Variants in SAMD5 observed in about 807,000 individuals in gnomAD.
The protein encoded by SAMD5 is sterile alpha motif domain-containing protein 5.
Under a neutral mutation model 11.3 loss-of-function variants are expected in SAMD5, and 13 were observed. The ratio of observed to expected loss-of-function variants is 1.15; its 90% confidence interval spans 0.75 to 1.83. The LOEUF is 1.83. Ranked by LOEUF, SAMD5 falls within the 40% of genes most tolerant of loss-of-function variation. SAMD5 has a pLI of 0.00. For synonymous variants in SAMD5, 129 were observed against 111.3 expected (o/e 1.16, Z -1.00); for missense variants, 255 against 239.1 (o/e 1.07, Z -0.44).
the SAMD5 span, among the ~76,000 whole-genome samples, chr6:147,774,075 C>T: frequency 9.9e-5 from 15 of 152,124 alleles, no homozygotes; most frequent in Admixed American, 3.9e-4. Flanking sequence ...CTCCTGGGCT[C>T]AAGGGGTCCT....
At chr6:147,784,279 A>G in the SAMD5 span, among the ~76,000 whole-genome samples, 1 of 152,152 alleles carries the variant, frequency 6.6e-6, no homozygotes, top group African/African-American at 2.4e-5. Flanking sequence ...TTTGTACATA[A>G]TAATCAACTG....
At chr6:147,686,318 T>C (rs1337734115) in intron 1 of SAMD5, among the ~76,000 whole-genome samples, 2 of 152,174 alleles carry the variant, frequency 1.3e-5, no homozygotes, top group African/African-American at 4.8e-5. Context: ...TAGCTAGTGG[T>C]TTTTACGCTG....
At chr6:147,767,615 C>A in the SAMD5 span, among the ~76,000 whole-genome samples, 1 of 152,186 alleles carries the variant, frequency 6.6e-6, no homozygotes, top group Non-Finnish European at 1.5e-5. Context: ...TGAGAGCTCT[C>A]TCTCTCCATC....
At chr6:147,893,019 C>G in the SAMD5 span, among the ~76,000 whole-genome samples, 1 of 152,030 alleles carries the variant, frequency 6.6e-6, no homozygotes, top group African/African-American at 2.4e-5. Flanking sequence ...TCAAGACCAG[C>G]CTGACCAACG....
chr6:147,941,338 A>G, the SAMD5 span, among the ~76,000 whole-genome samples: 1 of 152,190 alleles, frequency 6.6e-6, no homozygotes, highest in East Asian at 1.9e-4. Context: ...TAAGTGCACA[A>G]ATTCCTACAG....
rs575852108 is a variant in SAMD5 at position 147,509,400 on chromosome 6, C to A, written c.459+13C>A. 1.2e-5 allele frequency: 18 copies of A among 1,510,900 alleles called. No individual in the cohort carries two copies. The East Asian group carries it at 1.7e-4, about 14-fold the overall frequency. The allele number at this position is 1,510,900 out of a possible 1,614,324, so 93.6% of individuals were successfully genotyped here. On this transcript the variant is annotated intron_variant, in intron 1 of 1. Transcript: ENST00000367474. ...GTACTCCCGCAAGGTAAGGAGGTGC[C>A]GTCCGGGCGGCCCGGGGCGCGCGGC... is the stretch of plus-strand genomic sequence containing the variant.
the SAMD5 span, among the ~76,000 whole-genome samples, chr6:147,831,294 G>C: frequency 6.6e-6 from 1 of 152,190 alleles, no homozygotes. Context: ...CTTCCTGTTA[G>C]TACCACCACA....
At chr6:147,916,094 A>ATGGC in the SAMD5 span, among the ~76,000 whole-genome samples, 1 of 151,812 alleles carries the variant, frequency 6.6e-6, no homozygotes, top group South Asian at 2.1e-4. Flanking sequence ...ATCATTTTTT[A>ATGGC]TGGCTGCATA....
At chr6:147,902,157 T>C in the SAMD5 span, among the ~76,000 whole-genome samples, 1 of 152,136 alleles carries the variant, frequency 6.6e-6, no homozygotes, top group Non-Finnish European at 1.5e-5. Flanking sequence ...AAGCAATCAT[T>C]CCTGGTCCAA....
the SAMD5 span, among the ~76,000 whole-genome samples, chr6:147,880,623 G>C: frequency 7.2e-5 from 11 of 152,082 alleles, no homozygotes; most frequent in Non-Finnish European, 7.4e-5. Flanking sequence ...CGTTTTCTCG[G>C]AACCCCTCAG....
At chr6:147,812,450 T>A in the SAMD5 span, among the ~76,000 whole-genome samples, 1 of 152,144 alleles carries the variant, frequency 6.6e-6, no homozygotes, top group Non-Finnish European at 1.5e-5. Context: ...AGGCACTGTT[T>A]CAGCCCTGAT....
At chr6:147,889,168 T>G in the SAMD5 span, among the ~76,000 whole-genome samples, 1 of 152,212 alleles carries the variant, frequency 6.6e-6, no homozygotes, top group Non-Finnish European at 1.5e-5. Flanking sequence ...TGTTCATTGT[T>G]TTCAGTTATT....
the SAMD5 span, among the ~76,000 whole-genome samples, chr6:147,851,405 C>A: frequency 1.6e-4 from 25 of 152,190 alleles, no homozygotes; most frequent in Non-Finnish European, 3.2e-4. Context: ...TAGAACATAC[C>A]CCCCTCAAAT....
chr6:147,705,355 T>A (rs1021075113), intron 1 of SAMD5, among the ~76,000 whole-genome samples: 4 of 152,214 alleles, frequency 2.6e-5, no homozygotes, highest in African/African-American at 9.6e-5. Context: ...CATCAACTCC[T>A]TGCTTTGATA....
intron 1 of SAMD5, among the ~76,000 whole-genome samples, chr6:147,533,130 C>T (rs992103613): frequency 6.6e-6 from 1 of 152,098 alleles, no homozygotes; most frequent in African/African-American, 2.4e-5. Context: ...AGAGCCCAGA[C>T]CCAACATAGG....
the SAMD5 span, among the ~76,000 whole-genome samples, chr6:147,794,642 C>A: frequency 3.9e-5 from 6 of 152,058 alleles, no homozygotes; most frequent in African/African-American, 1.4e-4. Context: ...TTACCGATTT[C>A]TCCATTGAAT....
the SAMD5 span, among the ~76,000 whole-genome samples, chr6:147,798,415 G>T: frequency 6.7e-6 from 1 of 149,628 alleles, no homozygotes; most frequent in Non-Finnish European, 1.5e-5. Flanking sequence ...TAGTTTGATC[G>T]CACTGTGGTC....
the SAMD5 span, among the ~76,000 whole-genome samples, chr6:147,889,642 G>A: frequency 5.9e-5 from 9 of 152,208 alleles, no homozygotes; most frequent in African/African-American, 1.7e-4. Flanking sequence ...TTCCCATTAC[G>A]GAGGTAAGAC....
At chr6:147,668,856 A>G (rs1206027576) in intron 1 of SAMD5, among the ~76,000 whole-genome samples, 2 of 152,200 alleles carry the variant, frequency 1.3e-5, no homozygotes, top group South Asian at 4.1e-4. Flanking sequence ...ACAAAGTTAT[A>G]TCTATACTAG....
Sources: gnomAD v4.1 joint callset for allele counts (sites outside exome capture counted in the v4.1 genomes callset) on GRCh38, gnomAD v4.1.1 for gene constraint, MANE v1.5 for transcripts, NCBI Gene and HGNC (gene_info 2026-07-23, HGNC 2026-07-21) for gene names.